ACSF2: variants seen among roughly 807,000 people sequenced by gnomAD.
ACSF2 encodes the protein medium-chain acyl-CoA ligase ACSF2, mitochondrial.
A neutral mutation model predicts 79.3 loss-of-function variants in ACSF2; 52 were observed. That is an observed-to-expected ratio of 0.66 (90% CI 0.53 to 0.83). ACSF2 has a LOEUF of 0.83. ACSF2 is among the 40% of genes least tolerant of loss of function. The pLI is 0.00. For synonymous variants in ACSF2, 283 were observed against 312.6 expected, an observed-to-expected ratio of 0.91 and a Z score of 1.00; for missense variants, 661 against 803.3, an observed-to-expected ratio of 0.82 and a Z score of 2.14.
chr17:50,467,897 A>T (rs1598431307), intron 10 of ACSF2: 1 of 740,606 alleles, frequency 1.4e-6, no homozygotes, highest in Non-Finnish European at 2.2e-6. Context: ...CGAGGAAGGG[A>T]GGTGGCAGAG....
At chr17:50,460,055 T>A in intron 1 of ACSF2, 1 of 349,494 alleles carries the variant, frequency 2.9e-6, no homozygotes, top group Non-Finnish European at 5.7e-6. Flanking sequence ...GGGGCTTTCT[T>A]CTTCATCTGC....
rs529466640 is a variant in ACSF2 at position 50,461,623 on chromosome 17, C to T, written c.454-10C>T. Reference sequence around the variant, plus strand: ...CCAGAATACTGATATGCCCTCGCCGCTTCCACCAGGTGTCTGTGAACCCAG... The same window carrying T: ...CCAGAATACTGATATGCCCTCGCCGTTTCCACCAGGTGTCTGTGAACCCAG... On this transcript the variant is annotated splice_polypyrimidine_tract_variant and intron_variant, in intron 3 of 15. Transcript: ENST00000300441. 1.2e-6 allele frequency: 2 copies of T among 1,614,126 alleles called. No homozygotes were observed. Among genetic ancestry groups the T allele is most frequent in the East Asian group, 2.2e-5 (1 of 44,876 alleles).
In ACSF2 at chr17:50,471,372, C is replaced by A. The variant is rs2033115733; in HGVS notation, c.1323+237C>A. 5.7e-6 allele frequency: 3 copies of A among 524,518 alleles called. No homozygotes were observed. The highest frequency in any genetic ancestry group is 3.8e-5 in the African/African-American group (2 of 52,328). 32.5% of individuals were successfully genotyped at this position (524,518 alleles called of 1,614,324 possible). ...GGCTGCCAGCTGAACTTCTCCGCGG[C>A]CTCCCTTCCTGTCTGAGGTGTGTTT... On this transcript the variant is annotated intron_variant, in intron 11 of 15. Coordinates refer to ENST00000300441, the MANE Select transcript of ACSF2 (RefSeq NM_025149.6). The surrounding 1 kb of genome is among the most constrained non-coding windows in gnomAD (Gnocchi z 4.1).
At chr17:50,439,259 T>C (rs958691778) in intron 1 of ACSF2, among the ~76,000 whole-genome samples, 4 of 147,232 alleles carry the variant, frequency 2.7e-5, no homozygotes, top group Admixed American at 6.8e-5. Flanking sequence ...TTTTTTTTTT[T>C]AGAGATGGTC....
In ACSF2 at chr17:50,426,331, C is replaced by A. The variant is rs747587071; in HGVS notation, c.70C>A (p.Arg24=). The A allele has an allele frequency of 2.1e-6, 3 of 1,420,584 alleles. No individual in the cohort carries two copies. In the South Asian group the frequency reaches 4.8e-5, roughly 23 times the overall value. 88.0% of individuals were successfully genotyped at this position (1,420,584 alleles called of 1,614,324 possible). Residue 24 remains arginine (R), a synonymous_variant, in exon 1 of 16, where the codon CGG becomes AGG. Transcript: ENST00000300441. The part of the protein sequence containing the change: ...CAGSSGVLGA[R]AALSRSWQEA... ...CGGGAGCTCGGGGGTGCTGGGGGCC[C>A]GGGCCGCCCTCTCTCGGAGTTGGCA...
chr17:50,443,224 G>A (rs950450480), intron 1 of ACSF2, among the ~76,000 whole-genome samples: 1 of 152,024 alleles, frequency 6.6e-6, no homozygotes, highest in African/African-American at 2.4e-5. Context: ...TTGTTTGTTT[G>A]TTTGTTTGTT....
At chr17:50,451,720 G>A (rs2031689774) in intron 1 of ACSF2, among the ~76,000 whole-genome samples, 2 of 152,200 alleles carry the variant, frequency 1.3e-5, no homozygotes, top group Non-Finnish European at 2.9e-5. Context: ...AAAGTGCTGG[G>A]ATTATAGGCG....
Position 50,464,286 on chromosome 17 carries a change from G to A in ACSF2, c.1207G>A (p.Asp403Asn). The A allele has an allele frequency of 1.9e-6, 3 of 1,614,092 alleles. No homozygotes were observed. Among genetic ancestry groups the A allele is most frequent in the Non-Finnish European group, 2.5e-6 (3 of 1,180,026 alleles). The change falls in exon 10 of 16, where the codon GAC (aspartate) becomes AAC (asparagine). Residue 403 changes from aspartate to asparagine, a missense_variant. By Grantham distance (23) the Asp-to-Asn change is conservative. Coordinates refer to ENST00000300441, the MANE Select transcript of ACSF2 (RefSeq NM_025149.6). Reference protein sequence around the residue: ...RAIINKINMKDLVVAYGTTEN... With the variant: ...RAIINKINMKNLVVAYGTTEN... The stretch of plus-strand genomic sequence containing the variant: ...CATCATCAACAAGATAAATATGAAG[G>A]ACCTGGTGGTGAGTGGTGACTGCGG...
At chr17:50,468,915 G>C in intron 10 of ACSF2, 1 of 1,411,654 alleles carries the variant, frequency 7.1e-7, no homozygotes, top group Non-Finnish European at 9.2e-7. Flanking sequence ...TTATACGGTG[G>C]CCCTGACCGC....
chr17:50,459,882 C>T (rs1396255227), intron 1 of ACSF2, among the ~76,000 whole-genome samples: 2 of 152,232 alleles, frequency 1.3e-5, no homozygotes, highest in African/African-American at 4.8e-5. Context: ...CAGCTCAGTA[C>T]TCTCAGGCTC....
chr17:50,451,795 G>T (rs920702477), intron 1 of ACSF2, among the ~76,000 whole-genome samples: 4 of 152,146 alleles, frequency 2.6e-5, no homozygotes, highest in African/African-American at 9.7e-5. Flanking sequence ...GCATGATGTG[G>T]TACCTCATTG....
intron 1 of ACSF2, among the ~76,000 whole-genome samples, chr17:50,453,250 C>A (rs1011631211): frequency 1.1e-4 from 16 of 152,022 alleles, no homozygotes; most frequent in African/African-American, 3.9e-4. Flanking sequence ...ACTCTGTGGG[C>A]CAGGCTGGAG....
Position 50,463,142 on chromosome 17 carries a change from G to A in ACSF2, c.793-14G>A. 1 of 1,611,918 alleles carries A rather than the reference G, an allele frequency of 6.2e-7. No individual in the cohort carries two copies. The highest frequency in any genetic ancestry group is 2.2e-5 in the East Asian group (1 of 44,878). On this transcript the variant is annotated splice_polypyrimidine_tract_variant and intron_variant, in intron 6 of 15. Coordinates refer to ENST00000300441, the MANE Select transcript of ACSF2 (RefSeq NM_025149.6). This position sits in a 1 kb window ranked among gnomAD's most constrained non-coding sequence, Gnocchi z 4.6. ...TGAGAAGGAGGCCAAGCCATGCCCT[G>A]TTTGCCTTGTCAGGGGACAACAGGC...
chr17:50,462,104 C>A, intron 4 of ACSF2, 80 bp from the exon 5 acceptor site: 1 of 1,202,844 alleles, frequency 8.3e-7, no homozygotes, highest in Non-Finnish European at 1.2e-6. Context: ...TGTATGAGAG[C>A]AGCTGATTAG....
In ACSF2 at chr17:50,460,658, A is replaced by G. The variant is rs753209086; in HGVS notation, c.129-19A>G. 6.2e-7 allele frequency: 1 copy of G among 1,601,120 alleles called. No individual in the cohort carries two copies. Among genetic ancestry groups the G allele is most frequent in the East Asian group, 2.2e-5 (1 of 44,594 alleles). Reference sequence around the variant, plus strand: ...AGACTGATCTGGGACAGTCAAACCCATAGCTCCTCTCCCTACAGTTCCAGA... The same window carrying G: ...AGACTGATCTGGGACAGTCAAACCCGTAGCTCCTCTCCCTACAGTTCCAGA... On this transcript the variant is annotated intron_variant, in intron 1 of 15. Coordinates refer to ENST00000300441, the MANE Select transcript of ACSF2 (RefSeq NM_025149.6).
chr17:50,467,054 G>C (rs184092938), intron 10 of ACSF2, among the ~76,000 whole-genome samples: 23 of 152,308 alleles, frequency 1.5e-4, no homozygotes, highest in African/African-American at 5.5e-4. Flanking sequence ...CCAGTAACCA[G>C]ACTCTCCTCT....
In ACSF2 at chr17:50,462,403, A is replaced by G; in HGVS notation, c.627-17A>G. ...CCTCCCTCAGCCCCTGTCTCTCACC[A>G]TCGTCCCCAACCCCAGGCTCCCAGA... is the stretch of plus-strand genomic sequence containing the variant. On this transcript the variant is annotated splice_polypyrimidine_tract_variant and intron_variant, in intron 5 of 15. Coordinates refer to ENST00000300441, the MANE Select transcript of ACSF2 (RefSeq NM_025149.6). The G allele has an allele frequency of 6.3e-7, 1 of 1,575,310 alleles. No homozygotes were observed. Among genetic ancestry groups the G allele is most frequent in the Non-Finnish European group, 8.6e-7 (1 of 1,160,070 alleles).
intron 12 of ACSF2, 38 bp downstream of exon 12, chr17:50,472,617 AG>A (rs1046908425): frequency 1.9e-6 from 3 of 1,562,880 alleles, no homozygotes; most frequent in Admixed American, 3.8e-5. Flanking sequence ...CTGGCCGCTG[AG>A]GGGAGGCTGG....
intron 1 of ACSF2, among the ~76,000 whole-genome samples, chr17:50,431,319 T>C (rs2029904112): frequency 1.3e-5 from 2 of 152,196 alleles, no homozygotes; most frequent in South Asian, 4.1e-4. Context: ...CAGAGCTGTT[T>C]TTCTAGAAGG....
Sources: allele counts gnomAD v4.1 joint callset (sites outside exome capture counted in the v4.1 genomes callset), GRCh38; gene constraint gnomAD v4.1.1; non-coding constraint Gnocchi (gnomAD v3.1); transcripts MANE v1.5; gene names NCBI Gene and HGNC (gene_info 2026-07-23, HGNC 2026-07-21).